RTN4: variants seen among roughly 807,000 people sequenced by gnomAD.
The protein encoded by RTN4 is reticulon 4, also known as reticulon-4.
A neutral mutation model predicts 90.4 loss-of-function variants in RTN4; 32 were observed. That is an observed-to-expected ratio of 0.35 (90% CI 0.27 to 0.48). The LOEUF is 0.48. RTN4 is among the 20% of genes least tolerant of loss of function. RTN4 has a pLI of 0.99. For synonymous variants in RTN4, 629 were observed against 552.5 expected (o/e 1.14, Z -1.94); for missense variants, 1,706 against 1,430.2 (o/e 1.19, Z -3.11).
At chr2:54,992,370 A>C (rs775711769) in intron 3 of RTN4, among the ~76,000 whole-genome samples, 5 of 152,254 alleles carry the variant, frequency 3.3e-5, no homozygotes, top group Non-Finnish European at 5.9e-5. Flanking sequence ...GTGTGCATGC[A>C]TAACAAATGG....
the RTN4 span, among the ~76,000 whole-genome samples, chr2:55,128,585 A>G: frequency 6.6e-6 from 1 of 152,144 alleles, no homozygotes; most frequent in Non-Finnish European, 1.5e-5. Context: ...TAACCATGGG[A>G]TAAGGAAGGC....
At position 55,026,756 on chromosome 2, in the gene RTN4, G is replaced by C. The variant is rs977158912; in HGVS notation, c.1343C>G (p.Pro448Arg). The C allele has an allele frequency of 2.5e-6, 4 of 1,613,750 alleles. No homozygotes were observed. The highest frequency in any genetic ancestry group is 2.2e-5 in the East Asian group (1 of 44,884). The change falls in exon 3 of 9, where the codon CCC (proline) becomes CGC (arginine). Residue 448 changes from proline (P) to arginine (R), a missense_variant. By Grantham distance (103) the Pro-to-Arg change is moderately radical (BLOSUM62 -2). Transcript: ENST00000337526. ...ATCCTTTATACCTTCTGGCGTACTGGGGAAAGAAGTATCATCATTACTACT... is the reference window on the plus strand; with the variant it reads ...ATCCTTTATACCTTCTGGCGTACTGCGGAAAGAAGTATCATCATTACTACT... ...SESSNDDTSF[P>R]STPEGIKDRS...
At chr2:55,081,326 G>A (rs1052894945) in intron 1 of RTN4, among the ~76,000 whole-genome samples, 6 of 151,874 alleles carry the variant, frequency 4.0e-5, no homozygotes, top group Admixed American at 2.0e-4. Flanking sequence ...ATCCTCCTTC[G>A]TCAGACTCCC....
chr2:54,985,646 A>G (rs887862613), intron 4 of RTN4, among the ~76,000 whole-genome samples: 1 of 152,198 alleles, frequency 6.6e-6, no homozygotes, highest in Non-Finnish European at 1.5e-5. Flanking sequence ...CTCTCCCCCT[A>G]AACTTGTATA....
At chr2:55,071,642 C>T (rs942056427) in intron 2 of RTN4, among the ~76,000 whole-genome samples, 2 of 151,040 alleles carry the variant, frequency 1.3e-5, no homozygotes, top group African/African-American at 4.9e-5. Context: ...CGATCACTGA[C>T]TTCAGACTGT....
At chr2:55,106,402 T>C (rs1667943652) in intron 1 of RTN4, among the ~76,000 whole-genome samples, 1 of 152,136 alleles carries the variant, frequency 6.6e-6, no homozygotes, top group South Asian at 2.1e-4. Context: ...GGGACTGAGT[T>C]TGTTATCTTT....
intron 2 of RTN4, among the ~76,000 whole-genome samples, chr2:55,059,815 C>T (rs751008346): frequency 2.0e-5 from 3 of 151,708 alleles, no homozygotes; most frequent in East Asian, 3.9e-4. Context: ...GCCTGGGCAA[C>T]GGAGTGAGAC....
chr2:55,028,171 G>A lies in RTN4; in HGVS notation c.606C>T (p.Ser202=), dbSNP rs768554129. 2.5e-5 allele frequency: 40 copies of A among 1,612,718 alleles called. No individual in the cohort carries two copies. Among genetic ancestry groups the A allele is most frequent in the Middle Eastern group, 3.3e-4 (2 of 6,050 alleles). ...CTGGCAGAAAGAACTTGCCTGCAGA[G>A]GAGCGTATCACAGGCTCAGATGCAG... ...LPAASEPVIR[S]SAENMDLKEQ... is the part of the protein sequence containing the mutation. The change falls in exon 2 of 9, where the codon TCC becomes TCT. Residue 202 remains serine (S), a synonymous_variant. Transcript: ENST00000337526.
chr2:55,012,304 CT>C (rs1680702600), intron 3 of RTN4, among the ~76,000 whole-genome samples: 1 of 152,134 alleles, frequency 6.6e-6, no homozygotes, highest in African/African-American at 2.4e-5. Flanking sequence ...AATAGCACCC[CT>C]GACAGATTAA....
At chr2:55,099,387 G>C (rs574132699) in intron 1 of RTN4, among the ~76,000 whole-genome samples, 35 of 152,176 alleles carry the variant, frequency 2.3e-4, no homozygotes, top group African/African-American at 5.8e-4. Flanking sequence ...GCCATTGGGA[G>C]CCTCTTTAAG....
At chr2:54,988,266 G>A (rs1055463518) in intron 3 of RTN4, among the ~76,000 whole-genome samples, 4 of 152,180 alleles carry the variant, frequency 2.6e-5, no homozygotes, top group East Asian at 1.9e-4. Flanking sequence ...GCAGTGAGCC[G>A]AGACTGCACC....
In RTN4 at chr2:55,027,625, C is replaced by T. The variant is rs150219056; in HGVS notation, c.614-140G>A. The stretch of plus-strand genomic sequence containing the variant: ...AATGTTAATAGCAATTAATAAGTAA[C>T]AATAGAGTAGACTTCAATCATTACT... On this transcript the variant is annotated intron_variant, in intron 2 of 8. Transcript: ENST00000337526. 88 of 815,128 alleles carry T rather than the reference C, an allele frequency of 1.1e-4. No homozygotes were observed. In the African/African-American group the frequency reaches 1.4e-3, roughly 13 times the overall value. The allele number at this position is 815,128 out of a possible 1,614,324, so 50.5% of individuals were successfully genotyped here. A position where few individuals can be genotyped will look rare whatever the true frequency, so the allele number is the denominator to read the frequency against.
chr2:55,015,165 C>CTAA (rs2104811352), intron 3 of RTN4, among the ~76,000 whole-genome samples: 1 of 152,256 alleles, frequency 6.6e-6, no homozygotes, highest in African/African-American at 2.4e-5. Flanking sequence ...CACCCGTAGT[C>CTAA]TACAGTTGAT....
At chr2:54,982,419 A>T in intron 5 of RTN4, 96 bp downstream of exon 5, 1 of 1,031,718 alleles carries the variant, frequency 9.7e-7, no homozygotes, top group Non-Finnish European at 1.4e-6. Context: ...ATTAATATTT[A>T]TCATTTACTT....
At chr2:55,042,487 T>C (rs1252049481) in intron 1 of RTN4, among the ~76,000 whole-genome samples, 1 of 152,202 alleles carries the variant, frequency 6.6e-6, no homozygotes, top group African/African-American at 2.4e-5. Context: ...GATATACATG[T>C]ATAAATAAAT....
At chr2:55,109,769 A>G (rs1668004074) in intron 1 of RTN4, among the ~76,000 whole-genome samples, 2 of 152,216 alleles carry the variant, frequency 1.3e-5, no homozygotes, top group Non-Finnish European at 1.5e-5. Flanking sequence ...GCCCTTTGGC[A>G]AACAGGAGCT....
intron 1 of RTN4, among the ~76,000 whole-genome samples, chr2:55,105,306 T>C (rs1379129934): frequency 6.8e-6 from 1 of 146,014 alleles, no homozygotes; most frequent in East Asian, 2.3e-4. Flanking sequence ...CTTGGCTCAC[T>C]GCAACCTCCA....
intron 2 of RTN4, among the ~76,000 whole-genome samples, chr2:55,062,837 A>G (rs942972476): frequency 1.3e-5 from 2 of 152,244 alleles, no homozygotes; most frequent in African/African-American, 4.8e-5. Flanking sequence ...GCCTGATTCA[A>G]TAATTTCACT....
intron 1 of RTN4, among the ~76,000 whole-genome samples, chr2:55,038,566 A>G (rs1682849522): frequency 6.6e-6 from 1 of 152,212 alleles, no homozygotes; most frequent in Non-Finnish European, 1.5e-5. Context: ...TAAGACCACA[A>G]TGAGGAACCA....
Sources: allele counts gnomAD v4.1 joint callset (sites outside exome capture counted in the v4.1 genomes callset), GRCh38; gene constraint gnomAD v4.1.1; transcripts MANE v1.5; gene names NCBI Gene and HGNC (gene_info 2026-07-23, HGNC 2026-07-21).